Variants in PCDHGA2 observed in about 807,000 individuals in gnomAD.
PCDHGA2 encodes protocadherin gamma subfamily A, 2.
In PCDHGA2, 40 loss-of-function variants were observed where a neutral mutation model predicts 59.2. The ratio of observed to expected loss-of-function variants is 0.68; its 90% CI spans 0.52 to 0.88. The LOEUF is 0.88. Ranked by LOEUF, PCDHGA2 falls within the 40% of genes least tolerant of loss-of-function variation. The pLI, the probability that PCDHGA2 is intolerant of heterozygous loss-of-function variation, is 0.00. For synonymous variants in PCDHGA2, 560 were observed against 526.0 expected, an observed-to-expected ratio of 1.06 and a Z score of -0.89; for missense variants, 1,226 against 1,204.0, an observed-to-expected ratio of 1.02 and a Z score of -0.27.
At chr5:141,378,233 G>C (rs1449430240) in intron 1 of PCDHGA2, 1 of 152,134 alleles carries the variant, frequency 6.6e-6, no homozygotes, top group African/African-American at 2.4e-5. Context: ...TAGTATTTAA[G>C]AGTGAAAATG....
At chr5:141,353,028 CATT>C (rs1759167363) in intron 1 of PCDHGA2, among the ~76,000 whole-genome samples, 1 of 152,104 alleles carries the variant, frequency 6.6e-6, no homozygotes, top group African/African-American at 2.4e-5. Context: ...ATTTTCTTCT[CATT>C]GGTGTATAAG....
intron 1 of PCDHGA2, chr5:141,410,151 G>A: frequency 6.2e-7 from 1 of 1,613,018 alleles, no homozygotes; most frequent in Non-Finnish European, 8.5e-7. Flanking sequence ...CGTGACGGTG[G>A]ACAGCCGCCA....
intron 1 of PCDHGA2, among the ~76,000 whole-genome samples, chr5:141,458,513 G>T (rs968604511): frequency 6.8e-6 from 1 of 146,128 alleles, no homozygotes; most frequent in Non-Finnish European, 1.5e-5. Flanking sequence ...TTGACACTTT[G>T]TTTTTTTTTT....
At chr5:141,458,787 C>A (rs968490647) in intron 1 of PCDHGA2, among the ~76,000 whole-genome samples, 1 of 152,004 alleles carries the variant, frequency 6.6e-6, no homozygotes, top group African/African-American at 2.4e-5. Flanking sequence ...GGCTGGAGTG[C>A]AGTGGTGTGA....
chr5:141,498,284 G>A (rs1339639509), intron 2 of PCDHGA2, among the ~76,000 whole-genome samples: 1 of 152,004 alleles, frequency 6.6e-6, no homozygotes, highest in Non-Finnish European at 1.5e-5. Flanking sequence ...CTTGGTTCAA[G>A]ATCAAGCCAG....
intron 1 of PCDHGA2, chr5:141,361,617 C>A (rs762792613): frequency 4.3e-6 from 7 of 1,613,866 alleles, no homozygotes; most frequent in Admixed American, 1.7e-5. Context: ...TCGTAGCGAG[C>A]GACCTGAAGC....
Position 141,340,553 on chromosome 5 carries a change from T to A in PCDHGA2, c.1582T>A (p.Leu528Met), listed in dbSNP as rs141806381. Residue 528 changes from leucine (L) to methionine (M), a missense_variant, in exon 1 of 4, where the codon TTG (leucine) becomes ATG (methionine). Leu to Met is a conservative substitution (Grantham distance 15). Transcript: ENST00000394576. ...CTTTGATTATGAGCAGTTGCGAGAC[T>A]TGCAAGTGTGGGTGATAGCGCGGGA... ...RSFDYEQLRD[L>M]QVWVIARDSG... 4 of 1,614,114 alleles carry A rather than the reference T, an allele frequency of 2.5e-6. No homozygotes were observed. In the African/African-American group the frequency reaches 5.3e-5, roughly 22 times the overall value.
intron 1 of PCDHGA2, chr5:141,468,351 A>G (rs1030472813): frequency 6.7e-6 from 1 of 149,192 alleles, no homozygotes; most frequent in Non-Finnish European, 1.5e-5. Context: ...AAAAAAAAAG[A>G]AAGAAAAAAG....
intron 1 of PCDHGA2, chr5:141,350,526 G>A: frequency 6.2e-7 from 1 of 1,614,020 alleles, no homozygotes; most frequent in Non-Finnish European, 8.5e-7. Context: ...AGGATAGATC[G>A]AGAGAAGATT....
Position 141,491,930 on chromosome 5 carries a change from G to A in PCDHGA2, c.2425-2877G>A, listed in dbSNP as rs2099735399. On this transcript the variant is annotated intron_variant, in intron 1 of 3. Transcript: ENST00000394576. The surrounding 1 kb of genome is among the most constrained non-coding windows in gnomAD (Gnocchi z 6.9). ...GTGGCGACTGTGGGCGAGGGGAGGT[G>A]GGACCGACCCCCACCCCTACACTCA... 1.6e-6 allele frequency: 2 copies of A among 1,276,580 alleles called. No homozygotes were observed. The highest frequency in any genetic ancestry group is 2.1e-6 in the Non-Finnish European group (2 of 943,112). 79.1% of individuals were successfully genotyped at this position (1,276,580 alleles called of 1,614,324 possible).
At chr5:141,421,423 C>T in intron 1 of PCDHGA2, 1 of 1,614,052 alleles carries the variant, frequency 6.2e-7, no homozygotes, top group Non-Finnish European at 8.5e-7. Context: ...GCGCGGAGTC[C>T]GCATCGTCTC....
At chr5:141,418,655 G>A in intron 1 of PCDHGA2, 5 of 1,614,002 alleles carry the variant, frequency 3.1e-6, no homozygotes, top group Non-Finnish European at 4.2e-6. Flanking sequence ...GAGAGTGAAG[G>A]CCACTGACCA....
chr5:141,392,804 CA>C (rs1345839746), intron 1 of PCDHGA2: 1 of 1,573,894 alleles, frequency 6.4e-7, no homozygotes, highest in African/African-American at 1.4e-5. Flanking sequence ...GATTCTGCAG[CA>C]AAACAACAAT....
rs2154532733 is a variant in PCDHGA2, at chr5:141,403,281, T to C, written c.2424+61886T>C. ...TGTCTGGTGAACTTTAAAGTCCTGGTTGAAGACAGAGTGAAACTGTACGGA... is the reference window on the plus strand; with the variant it reads ...TGTCTGGTGAACTTTAAAGTCCTGGCTGAAGACAGAGTGAAACTGTACGGA... On this transcript the variant is annotated intron_variant, in intron 1 of 3. Transcript: ENST00000394576. The C allele has an allele frequency of 2.5e-6, 4 of 1,613,908 alleles. No individual in the cohort carries two copies. Among genetic ancestry groups the C allele is most frequent in the African/African-American group, 1.3e-5 (1 of 75,080 alleles).
rs1235268977 is a variant in PCDHGA2 at position 141,340,656 on chromosome 5, T to C, written c.1685T>C (p.Ile562Thr). 1 of 1,614,154 alleles carries C rather than the reference T, an allele frequency of 6.2e-7. No individual in the cohort carries two copies. Among genetic ancestry groups the C allele is most frequent in the African/African-American group, 1.3e-5 (1 of 75,052 alleles). Residue 562 changes from isoleucine to threonine, a missense_variant, in exon 1 of 4, where the codon ATC becomes ACC. Coordinates refer to ENST00000394576, the MANE Select transcript of PCDHGA2 (RefSeq NM_018915.4). ...VLDQNDNAPE[I>T]LYPAFPTDGS... ...GACCAGAACGACAACGCGCCCGAGA[T>C]CCTGTACCCTGCCTTCCCCACAGAC...
intron 1 of PCDHGA2, chr5:141,416,401 T>C (rs2096020867): frequency 6.6e-6 from 1 of 152,204 alleles, no homozygotes; most frequent in African/African-American, 2.4e-5. Context: ...TGCTTTTGTC[T>C]TTTTTGTTAA....
chr5:141,432,700 G>A lies in PCDHGA2; in HGVS notation c.2425-62107G>A. On this transcript the variant is annotated intron_variant, in intron 1 of 3. Transcript: ENST00000394576. The surrounding 1 kb of genome is among the most constrained non-coding windows in gnomAD (Gnocchi z 6.0). ...AGCAGAGCCTCGTAGTGGCCGTCCAGGACCACGGCCAGCCCCCTCTCTCCG... is the reference window on the plus strand; with the variant it reads ...AGCAGAGCCTCGTAGTGGCCGTCCAAGACCACGGCCAGCCCCCTCTCTCCG... The A allele has an allele frequency of 6.2e-7, 1 of 1,613,980 alleles. No individual in the cohort carries two copies. The highest frequency in any genetic ancestry group is 8.5e-7 in the Non-Finnish European group (1 of 1,179,978).
intron 1 of PCDHGA2, chr5:141,384,043 G>A (rs367639640): frequency 1.6e-5 from 26 of 1,612,650 alleles, no homozygotes; most frequent in Admixed American, 3.3e-5. Flanking sequence ...GAATGGTGAG[G>A]TGACCTGCAC....
At position 141,371,601 on chromosome 5, in the gene PCDHGA2, A is replaced by G. The variant is rs770903429; in HGVS notation, c.2424+30206A>G. 5 of 1,613,988 alleles carry G rather than the reference A, an allele frequency of 3.1e-6. No homozygotes were observed. The East Asian group carries it at 8.9e-5, about 29-fold the overall frequency. ...CGTTCAAGATACCAAAAACACATAC[A>G]GGTTGGTGACAGATGGAGCCCTGGA... On this transcript the variant is annotated intron_variant, in intron 1 of 3. Transcript: ENST00000394576.
Sources: allele counts gnomAD v4.1 joint callset (sites outside exome capture counted in the v4.1 genomes callset), GRCh38; gene constraint gnomAD v4.1.1; non-coding constraint Gnocchi (gnomAD v3.1); transcripts MANE v1.5; gene names NCBI Gene and HGNC (gene_info 2026-07-23, HGNC 2026-07-21).